Variants in ESYT3 observed in about 807,000 individuals in gnomAD.
ESYT3 encodes extended synaptotagmin-3.
In ESYT3, 101 loss-of-function variants were observed where a neutral mutation model predicts 111.5. The observed-to-expected ratio is 0.91, with a 90% CI of 0.77 to 1.07. The LOEUF (loss-of-function observed/expected upper bound fraction) is 1.07, where lower values mean the gene tolerates loss of function less well. ESYT3 is among the 50% of genes least tolerant of loss of function. ESYT3 has a pLI of 0.00. For missense variants in ESYT3, 1,097 were observed against 1,109.4 expected, an observed-to-expected ratio of 0.99 and a Z score of 0.16; for synonymous variants, 416 against 446.8, an observed-to-expected ratio of 0.93 and a Z score of 0.87.
rs71146126 is a variant in ESYT3, at chr3:138,448,266, T to TAAAAAA, written c.328-3760_328-3755dup. Among the ~76,000 whole-genome samples the TAAAAAA allele has an allele frequency of 2.9e-4, 13 of 44,608 alleles. 2 individuals carry two copies. The highest frequency in any genetic ancestry group is 1.2e-3 in the African/African-American group (13 of 10,982). The allele number at this position is 44,608 out of a possible 152,430, so 29.3% of individuals were successfully genotyped here. On this transcript the variant is annotated intron_variant, in intron 1 of 22. Transcript: ENST00000389567. Reference sequence around the variant, plus strand: ...TGGGCAACAAAAATGAAACTCGATCTAAAAAAAAAAAAAAAAAAAAAAAAA... The same window carrying TAAAAAA: ...TGGGCAACAAAAATGAAACTCGATCTAAAAAAAAAAAAAAAAAAAAAAAAAAAAAAA...
intron 7 of ESYT3, among the ~76,000 whole-genome samples, chr3:138,461,200 G>A (rs79689680): frequency 0.026 from 3,961 of 152,332 alleles, 64 homozygotes; most frequent in South Asian, 0.063. Flanking sequence ...ACACACGAGT[G>A]TCCTTTCTTC....
intron 1 of ESYT3, among the ~76,000 whole-genome samples, chr3:138,446,337 A>C (rs1055933436): frequency 1.1e-4 from 17 of 152,242 alleles, no homozygotes; most frequent in Non-Finnish European, 2.1e-4. Flanking sequence ...TCTCCGTTCT[A>C]GCACTCCACT....
chr3:138,442,978 A>G (rs564798095), intron 1 of ESYT3, among the ~76,000 whole-genome samples: 1 of 152,138 alleles, frequency 6.6e-6, no homozygotes, highest in Non-Finnish European at 1.5e-5. Flanking sequence ...GGAATTACCA[A>G]CCCTAACTGG....
At position 138,435,883 on chromosome 3, in the gene ESYT3, C is replaced by G. The variant is rs1283324511; in HGVS notation, c.327+758C>G. Among the ~76,000 whole-genome samples the G allele has an allele frequency of 6.6e-6, 1 of 152,192 alleles. No homozygotes were observed. The highest frequency in any genetic ancestry group is 1.5e-5 in the Non-Finnish European group (1 of 68,032). ...TGGGTGATTCTTATGATTAGGTGAG[C>G]TTGGGAAACACCGGCAAGAGGGGTG... On this transcript the variant is annotated intron_variant, in intron 1 of 22. Coordinates refer to ENST00000389567, the MANE Select transcript of ESYT3 (RefSeq NM_031913.5). This position sits in a 1 kb window ranked among gnomAD's most constrained non-coding sequence, Gnocchi z 4.8.
intron 19 of ESYT3, 138 bp downstream of exon 19, chr3:138,473,772 G>T (rs1455041812): frequency 5.3e-6 from 4 of 753,804 alleles, no homozygotes; most frequent in African/African-American, 5.3e-5. Flanking sequence ...AGATTTGAAG[G>T]CCTGAACACT....
At chr3:138,452,344 C>G (rs940948677) in intron 2 of ESYT3, among the ~76,000 whole-genome samples, 1 of 152,216 alleles carries the variant, frequency 6.6e-6, no homozygotes, top group Non-Finnish European at 1.5e-5. Flanking sequence ...TCCCCACTAG[C>G]TCACCAGGCC....
chr3:138,474,448 G>T (rs1243967277), intron 20 of ESYT3, 96 bp downstream of exon 20: 12 of 1,388,338 alleles, frequency 8.6e-6, no homozygotes, highest in African/African-American at 1.5e-5. Context: ...ATGCTGGAAG[G>T]GGCTATGGCT....
intron 17 of ESYT3, among the ~76,000 whole-genome samples, chr3:138,471,658 T>G (rs1466214318): frequency 6.6e-6 from 1 of 152,206 alleles, no homozygotes; most frequent in Non-Finnish European, 1.5e-5. Flanking sequence ...TAACTTGGAT[T>G]GCAAACATAT....
At chr3:138,438,439 G>T (rs1463466519) in intron 1 of ESYT3, among the ~76,000 whole-genome samples, 1 of 152,058 alleles carries the variant, frequency 6.6e-6, no homozygotes, top group African/African-American at 2.4e-5. Context: ...TGCTTAGATG[G>T]GGCACCTTTT....
At chr3:138,473,150 A>G in intron 18 of ESYT3, 8 of 1,323,210 alleles carry the variant, frequency 6.0e-6, no homozygotes, top group Non-Finnish European at 7.7e-6. Context: ...GGAAAGCTTA[A>G]TATGTAGAAT....
At chr3:138,457,729 A>G (rs912536686) in intron 4 of ESYT3, 85 bp downstream of exon 4, 1 of 1,303,308 alleles carries the variant, frequency 7.7e-7, no homozygotes, top group African/African-American at 1.5e-5. Context: ...TAGTATATAT[A>G]TACTCTGACT....
chr3:138,457,841 AG>A (rs531693010), intron 4 of ESYT3, among the ~76,000 whole-genome samples, 197 bp downstream of exon 4: 66 of 152,186 alleles, frequency 4.3e-4, no homozygotes, highest in African/African-American at 1.5e-3. Context: ...CTTTCTTGGA[AG>A]GCTAGACCTG....
intron 17 of ESYT3, 144 bp from the exon 18 acceptor site, chr3:138,472,219 C>G (rs2033253950): frequency 1.9e-6 from 2 of 1,027,216 alleles, no homozygotes; most frequent in Non-Finnish European, 2.8e-6. Context: ...ATATTTGGAA[C>G]ACCATATGTA....
rs1163225281 is a variant in ESYT3 at position 138,435,912 on chromosome 3, C to T, written c.327+787C>T. Among the ~76,000 whole-genome samples, 2 of 152,168 alleles carry T rather than the reference C, an allele frequency of 1.3e-5. No homozygotes were observed. The highest frequency in any genetic ancestry group is 4.8e-5 in the African/African-American group (2 of 41,446). Reference sequence around the variant, plus strand: ...GGAAACACCGGCAAGAGGGGTGTTCCGTCCAATGGTTGGTCTGCGGCAAAC... The same window carrying T: ...GGAAACACCGGCAAGAGGGGTGTTCTGTCCAATGGTTGGTCTGCGGCAAAC... On this transcript the variant is annotated intron_variant, in intron 1 of 22. Transcript: ENST00000389567. This position sits in a 1 kb window ranked among gnomAD's most constrained non-coding sequence, Gnocchi z 4.8.
Position 138,468,147 on chromosome 3 carries a change from C to T in ESYT3, c.1261C>T (p.Arg421Trp), listed in dbSNP as rs765784956. 10 of 1,614,150 alleles carry T rather than the reference C, an allele frequency of 6.2e-6. No individual in the cohort carries two copies. In the East Asian group the frequency reaches 6.7e-5, roughly 11 times the overall value. The change falls in exon 12 of 23, where the codon CGG becomes TGG. Residue 421 changes from arginine (R) to tryptophan (W), a missense_variant. Transcript: ENST00000389567. ...NDTTSGRLHL[R>W]LEWLSLLTDQ... ...CACAACCAGCGGGCGGCTGCACCTG[C>T]GGCTGGAGTGGCTTTCATTGCTTAC...
In ESYT3 at chr3:138,435,062, A is replaced by T; in HGVS notation, c.264A>T (p.Glu88Asp). The T allele has an allele frequency of 2.5e-6, 4 of 1,594,512 alleles. No homozygotes were observed. Among genetic ancestry groups the T allele is most frequent in the Non-Finnish European group, 3.4e-6 (4 of 1,172,808 alleles). ...GKLGRLAAAF[E>D]FLDNEREFIS... is the part of the protein sequence containing the mutation. Reference sequence around the variant, plus strand: ...TTGGGCGCCTGGCCGCCGCCTTCGAATTCCTTGACAATGAACGCGAGTTCA... The same window carrying T: ...TTGGGCGCCTGGCCGCCGCCTTCGATTTCCTTGACAATGAACGCGAGTTCA... The change falls in exon 1 of 23, where the codon GAA (glutamate) becomes GAT (aspartate). Residue 88 changes from glutamate (E) to aspartate (D), a missense_variant. Glu to Asp is a conservative substitution (Grantham distance 45, BLOSUM62 2). Coordinates refer to ENST00000389567, the MANE Select transcript of ESYT3 (RefSeq NM_031913.5). The surrounding 1 kb of genome is among the most constrained non-coding windows in gnomAD (Gnocchi z 4.8).
Position 138,434,851 on chromosome 3 carries a change from A to T in ESYT3, c.53A>T (p.Gln18Leu), listed in dbSNP as rs777941524. The T allele has an allele frequency of 6.5e-7, 1 of 1,549,970 alleles. No individual in the cohort carries two copies. The highest frequency in any genetic ancestry group is 1.2e-5 in the South Asian group (1 of 83,964). ...APGAPSALGA[Q>L]RTPGPELRLS... ...GGGGCCCCCAGCGCCCTGGGAGCCC[A>T]GCGCACGCCGGGCCCCGAGCTGCGC... The change falls in exon 1 of 23, where the codon CAG (glutamine) becomes CTG (leucine). Residue 18 changes from glutamine to leucine, a missense_variant. By Grantham distance (113) the Gln-to-Leu change is moderately radical. Transcript: ENST00000389567.
Position 138,472,472 on chromosome 3 carries a change from C to T in ESYT3, c.1850C>T (p.Ala617Val), listed in dbSNP as rs758307734. The T allele has an allele frequency of 1.2e-5, 19 of 1,614,212 alleles. No individual in the cohort carries two copies. In the South Asian group the frequency reaches 1.9e-4, roughly 16 times the overall value. The change falls in exon 18 of 23, where the codon GCC becomes GTC. Residue 617 changes from alanine (A) to valine (V), a missense_variant. Transcript: ENST00000389567. ...GTGGCTACCAACCAGGGTCCCAAAG[C>T]CCAACCTCAGGAAGAAGGCCCTACA... ...KKVATNQGPK[A>V]QPQEEGPTDL... is the part of the protein sequence containing the mutation.
intron 11 of ESYT3, 21 bp downstream of exon 11, chr3:138,467,630 C>T (rs1450278539): frequency 1.9e-6 from 3 of 1,613,182 alleles, no homozygotes; most frequent in South Asian, 1.1e-5. Flanking sequence ...TGCTTGCAAC[C>T]CTCGGGGGAG....
Sources: allele counts gnomAD v4.1 joint callset (sites outside exome capture counted in the v4.1 genomes callset), GRCh38; gene constraint gnomAD v4.1.1; non-coding constraint Gnocchi (gnomAD v3.1); transcripts MANE v1.5; gene names NCBI Gene and HGNC (gene_info 2026-07-23, HGNC 2026-07-21).